The following ANKS1B variants were observed in gnomAD, a reference collection of about 807,000 sequenced individuals.
ANKS1B encodes ankyrin repeat and sterile alpha motif domain-containing protein 1B.
Under a neutral mutation model 148.3 loss-of-function variants are expected in ANKS1B, and 36 were observed. That is an observed-to-expected ratio of 0.24 (90% CI 0.19 to 0.32). ANKS1B has a LOEUF of 0.32. ANKS1B is among the 10% of genes least tolerant of loss of function. The pLI, the probability that ANKS1B is intolerant of heterozygous loss-of-function variation, is 1.00. For missense variants in ANKS1B, 1,157 were observed against 1,542.6 expected (o/e 0.75, Z 4.19); for synonymous variants, 542 against 560.8 (o/e 0.97, Z 0.47).
intron 1 of ANKS1B, among the ~76,000 whole-genome samples, chr12:99,919,216 G>T (rs1394712522): frequency 6.6e-6 from 1 of 152,076 alleles, no homozygotes; most frequent in East Asian, 1.9e-4. Context: ...TCTGGAGTCA[G>T]ACAATCCCAG....
chr12:98,796,092 T>A (rs939767906), intron 22 of ANKS1B, among the ~76,000 whole-genome samples: 2 of 152,182 alleles, frequency 1.3e-5, no homozygotes, highest in Non-Finnish European at 2.9e-5. Flanking sequence ...GTAATACTTC[T>A]ACCACTTTGG....
chr12:99,574,400 C>T (rs924280642), intron 9 of ANKS1B, among the ~76,000 whole-genome samples: 7 of 152,002 alleles, frequency 4.6e-5, no homozygotes, highest in African/African-American at 1.7e-4. Flanking sequence ...ATAAATTAGT[C>T]CTACACAACA....
At chr12:99,571,474 G>A (rs1429008822) in intron 9 of ANKS1B, among the ~76,000 whole-genome samples, 1 of 151,872 alleles carries the variant, frequency 6.6e-6, no homozygotes, top group Admixed American at 6.6e-5. Flanking sequence ...AGTCTGTGTA[G>A]AGTGGTACTA....
chr12:99,252,790 T>C (rs1315763903), intron 12 of ANKS1B, among the ~76,000 whole-genome samples: 1 of 152,198 alleles, frequency 6.6e-6, no homozygotes, highest in Admixed American at 6.5e-5. Flanking sequence ...CTTACTCCCT[T>C]GAGAATATCA....
intron 12 of ANKS1B, among the ~76,000 whole-genome samples, chr12:99,253,398 G>A (rs2074879899): frequency 6.6e-6 from 1 of 152,110 alleles, no homozygotes; most frequent in Admixed American, 6.5e-5. Flanking sequence ...CCTGAATCAA[G>A]CAGAGAAAAA....
chr12:99,469,054 T>C lies in ANKS1B; in HGVS notation c.1439-25245A>G, dbSNP rs1465407890. On this transcript the variant is annotated intron_variant, in intron 10 of 26. Transcript: ENST00000683438. Reference sequence around the variant, plus strand: ...TGGAACCAACCCAAATGTCCAACAATGACAGACTGGATTAAGAAAATGTGG... The same window carrying C: ...TGGAACCAACCCAAATGTCCAACAACGACAGACTGGATTAAGAAAATGTGG... Among the ~76,000 whole-genome samples the C allele has an allele frequency of 3.3e-5, 5 of 152,036 alleles. No individual in the cohort carries two copies. In the South Asian group the frequency reaches 6.2e-4, roughly 19 times the overall value.
intron 8 of ANKS1B, among the ~76,000 whole-genome samples, chr12:99,664,950 A>G (rs2098498536): frequency 6.6e-6 from 1 of 152,204 alleles, no homozygotes; most frequent in Admixed American, 6.5e-5. Context: ...GCATATCAGT[A>G]GTTTATTCCT....
chr12:99,784,122 C>A (rs2064702505), intron 4 of ANKS1B, among the ~76,000 whole-genome samples: 1 of 151,726 alleles, frequency 6.6e-6, no homozygotes, highest in African/African-American at 2.4e-5. Flanking sequence ...CCCATCACAA[C>A]CCTCTTCCAA....
At chr12:98,805,293 T>G (rs1283464214) in intron 20 of ANKS1B, among the ~76,000 whole-genome samples, 2 of 115,308 alleles carry the variant, frequency 1.7e-5, no homozygotes, top group East Asian at 2.5e-4. Context: ...ATTTTTTATA[T>G]GTATGCTTAA....
chr12:98,959,680 G>A (rs1258173935), intron 17 of ANKS1B, among the ~76,000 whole-genome samples: 1 of 152,148 alleles, frequency 6.6e-6, no homozygotes, highest in Non-Finnish European at 1.5e-5. Flanking sequence ...GCAGGCTCTT[G>A]GGGTCCCTGA....
chr12:99,005,207 C>T lies in ANKS1B; in HGVS notation c.2778+47950G>A, dbSNP rs373413705. On this transcript the variant is annotated intron_variant, in intron 17 of 26. Transcript: ENST00000683438. ...CTGTTCATTAAACAGGGAACAAATG[C>T]GGGAGCGTAGCTGTGATGGGCTCCA... Among the ~76,000 whole-genome samples, 10 of 152,298 alleles carry T rather than the reference C, an allele frequency of 6.6e-5. No homozygotes were observed. In the East Asian group the frequency reaches 9.7e-4, roughly 15 times the overall value.
chr12:99,235,059 C>T (rs1205425085), intron 14 of ANKS1B, among the ~76,000 whole-genome samples: 1 of 152,064 alleles, frequency 6.6e-6, no homozygotes, highest in Non-Finnish European at 1.5e-5. Context: ...ACTGAGTCTC[C>T]ACTTTCATTT....
chr12:99,384,469 T>C (rs1054054743), intron 12 of ANKS1B, among the ~76,000 whole-genome samples: 6 of 152,204 alleles, frequency 3.9e-5, no homozygotes, highest in African/African-American at 1.4e-4. Flanking sequence ...CTGTATTATC[T>C]TGAAAAATAG....
At position 98,829,626 on chromosome 12, in the gene ANKS1B, C is replaced by A. The variant is rs1356837244; in HGVS notation, c.2887-273G>T. On this transcript the variant is annotated intron_variant, in intron 18 of 26. Transcript: ENST00000683438. This position sits in a 1 kb window ranked among gnomAD's most constrained non-coding sequence, Gnocchi z 5.2. ...TGGATGGTCTCAGGAGGGAGGCACA[C>A]CTATGTTGGGCACCTCTGACACTAC... Among the ~76,000 whole-genome samples, 2 of 152,262 alleles carry A rather than the reference C, an allele frequency of 1.3e-5. No individual in the cohort carries two copies. Among genetic ancestry groups the A allele is most frequent in the Middle Eastern group, 3.4e-3 (1 of 294 alleles).
intron 9 of ANKS1B, among the ~76,000 whole-genome samples, chr12:99,614,038 T>C (rs2097924322): frequency 6.6e-6 from 1 of 151,972 alleles, no homozygotes; most frequent in Non-Finnish European, 1.5e-5. Context: ...TCACCTTGCA[T>C]ATTAACCAGT....
chr12:99,247,724 C>T (rs2074052116), intron 12 of ANKS1B, among the ~76,000 whole-genome samples: 2 of 152,098 alleles, frequency 1.3e-5, no homozygotes, highest in Non-Finnish European at 2.9e-5. Context: ...CTTAATTTGT[C>T]TTTCAAAGAC....
Position 99,939,527 on chromosome 12 carries a change from G to A in ANKS1B, c.134+44577C>T, listed in dbSNP as rs540671112. Among the ~76,000 whole-genome samples, 9 of 152,154 alleles carry A rather than the reference G, an allele frequency of 5.9e-5. No homozygotes were observed. The East Asian group carries it at 1.4e-3, about 23-fold the overall frequency. On this transcript the variant is annotated intron_variant, in intron 1 of 26. Coordinates refer to ENST00000683438, the MANE Select transcript of ANKS1B (RefSeq NM_001352186.2). ...ATTACAAGTGTGAGCCACTGTGCCCGGCCACATGAAGGTTCTTTCCATTGT... is the reference window on the plus strand; with the variant it reads ...ATTACAAGTGTGAGCCACTGTGCCCAGCCACATGAAGGTTCTTTCCATTGT...
chr12:99,370,848 G>A (rs1041559225), intron 12 of ANKS1B, among the ~76,000 whole-genome samples: 6 of 152,124 alleles, frequency 3.9e-5, no homozygotes, highest in Admixed American at 3.3e-4. Flanking sequence ...TTGGAATATA[G>A]TTAGTCCTAA....
intron 25 of ANKS1B, among the ~76,000 whole-genome samples, chr12:98,764,892 T>G (rs1485631853): frequency 6.6e-6 from 1 of 152,184 alleles, no homozygotes; most frequent in Non-Finnish European, 1.5e-5. Context: ...TTTGCTTGTG[T>G]CCCTTCATCT....
Sources: gnomAD v4.1 joint callset for allele counts (sites outside exome capture counted in the v4.1 genomes callset) on GRCh38, gnomAD v4.1.1 for gene constraint, Gnocchi (gnomAD v3.1) non-coding constraint, MANE v1.5 for transcripts, NCBI Gene and HGNC (gene_info 2026-07-23, HGNC 2026-07-21) for gene names.